The following NBPF11 variants were observed in gnomAD, a reference collection of about 807,000 sequenced individuals.
NBPF11 encodes NBPF family member NBPF11.
NBPF11 carries 72 observed loss-of-function variants against 93.9 expected under a neutral mutation model. The observed-to-expected ratio is 0.77, with a 90% CI of 0.63 to 0.93. NBPF11 has a LOEUF of 0.93. NBPF11 is among the 40% of genes least tolerant of loss of function. The pLI is 0.00. For missense variants in NBPF11, 705 were observed against 802.2 expected (o/e 0.88, Z 1.46); for synonymous variants, 224 against 304.9 (o/e 0.73, Z 2.76).
chr1:148,124,478 C>T (rs3881674), intron 6 of NBPF11, among the ~76,000 whole-genome samples: 1,592 of 117,968 alleles, frequency 0.013, 27 homozygotes, highest in African/African-American at 0.044. Flanking sequence ...ATTGAAAAGA[C>T]GAAAGAAGAA....
chr1:148,136,973 G>A (rs1422243654), intron 3 of NBPF11, among the ~76,000 whole-genome samples: 2 of 151,804 alleles, frequency 1.3e-5, no homozygotes, highest in African/African-American at 2.4e-5. Flanking sequence ...GAAACCTCAG[G>A]GGAGAGGGTA....
At chr1:148,108,435 A>G in intron 18 of NBPF11, 47 bp downstream of exon 18, 2 of 1,247,358 alleles carry the variant, frequency 1.6e-6, no homozygotes, top group East Asian at 2.7e-5. Flanking sequence ...ATGACCCTAA[A>G]CAGAAGACTC....
chr1:148,105,781 G>C (rs61811996), intron 21 of NBPF11, among the ~76,000 whole-genome samples: 1 of 139,920 alleles, frequency 7.1e-6, no homozygotes, highest in African/African-American at 2.9e-5. Context: ...CACACTGAGA[G>C]AGAGAGAGAA....
At chr1:148,119,387 T>C (rs1374417634) in intron 10 of NBPF11, among the ~76,000 whole-genome samples, 3 of 151,990 alleles carry the variant, frequency 2.0e-5, no homozygotes, top group Non-Finnish European at 2.9e-5. Context: ...TGACAAGAAA[T>C]AGCTCATGTA....
chr1:148,129,105 A>ATATATATACACGTGTATATGTATTATT (rs1350059254), intron 4 of NBPF11, among the ~76,000 whole-genome samples: 16,169 of 137,428 alleles, frequency 0.12, 1,179 homozygotes, highest in East Asian at 0.25. Flanking sequence ...TATATATATA[A>ATATATATACACGTGTATATGTATTATT]TATATATACA....
At position 148,130,127 on chromosome 1, in the gene NBPF11, AG is replaced by A. The variant is rs2149262509; in HGVS notation, c.-35-3090del. Among the ~76,000 whole-genome samples, 2 of 150,458 alleles carry A rather than the reference AG, an allele frequency of 1.3e-5. 1 individual carries two copies. Among genetic ancestry groups the A allele is most frequent in the African/African-American group, 4.9e-5 (2 of 40,498 alleles). On this transcript the variant is annotated intron_variant, in intron 4 of 23. Coordinates refer to ENST00000682118, the MANE Select transcript of NBPF11 (RefSeq NM_001385469.3). The stretch of plus-strand genomic sequence containing the variant: ...TTGATGGATTTTTTATGAATAAAAA[AG>A]ATTCTACTAAAAAAAATCAATAACT...
At chr1:148,109,594 A>G (rs1186357136) in intron 16 of NBPF11, among the ~76,000 whole-genome samples, 1 of 146,516 alleles carries the variant, frequency 6.8e-6, no homozygotes, top group Non-Finnish European at 1.5e-5. Context: ...ATGTACACAA[A>G]TGAGCAATTT....
chr1:148,123,971 C>A lies in NBPF11; in HGVS notation c.375G>T (p.Glu125Asp). ...EGRDASRSLNEHLQALLTPDE... is the reference protein window; with the variant it reads ...EGRDASRSLNDHLQALLTPDE... ...CCGGAGTGAGGAGGGCCTGGAGATG[C>A]TCATTCAATGAGCGGGAGGCATCTC... The change falls in exon 7 of 24, where the codon GAG becomes GAT. Residue 125 changes from glutamate (E) to aspartate (D), a missense_variant. By Grantham distance (45) the Glu-to-Asp change is conservative. Around this residue, in one of 12 missense-constraint regions of NBPF11, gnomAD observed 10 missense variants for 65.1 expected, o/e 0.15. Coordinates refer to ENST00000682118, the MANE Select transcript of NBPF11 (RefSeq NM_001385469.3). The A allele has an allele frequency of 6.4e-7, 1 of 1,565,466 alleles. No individual in the cohort carries two copies. The highest frequency in any genetic ancestry group is 2.2e-5 in the East Asian group (1 of 44,644).
chr1:148,148,284 C>G (rs1647259966), intron 1 of NBPF11, among the ~76,000 whole-genome samples: 2 of 152,256 alleles, frequency 1.3e-5, no homozygotes, highest in Non-Finnish European at 1.5e-5. Flanking sequence ...GGGACGCACA[C>G]CTGCCCATGC....
intron 1 of NBPF11, among the ~76,000 whole-genome samples, chr1:148,148,910 G>T (rs1647453868): frequency 2.0e-5 from 3 of 151,438 alleles, no homozygotes; most frequent in Admixed American, 1.3e-4. Context: ...GATCCCTGCA[G>T]ATCCTAGCTA....
rs879291475 is a variant in NBPF11 at position 148,134,109 on chromosome 1, C to T, written c.-36+1563G>A. Reference sequence around the variant, plus strand: ...TGACCTCCAGCCTGTAGAGGAGAGGCGCCACAGGACCTTTACATGCACGCC... The same window carrying T: ...TGACCTCCAGCCTGTAGAGGAGAGGTGCCACAGGACCTTTACATGCACGCC... On this transcript the variant is annotated intron_variant, in intron 4 of 23. Coordinates refer to ENST00000682118, the MANE Select transcript of NBPF11 (RefSeq NM_001385469.3). 1.6e-3 allele frequency among the ~76,000 whole-genome samples: 243 copies of T among 151,746 alleles called. 4 individuals are homozygous for T. Among genetic ancestry groups the T allele is most frequent in the African/African-American group, 5.5e-3 (224 of 41,044 alleles).
chr1:148,111,992 C>A (rs1325922695), intron 15 of NBPF11, among the ~76,000 whole-genome samples: 3 of 149,808 alleles, frequency 2.0e-5, no homozygotes, highest in African/African-American at 7.5e-5. Flanking sequence ...ATGCTAAGGG[C>A]AGCCAGAGAG....
At chr1:148,142,646 C>T (rs2149295076) in intron 2 of NBPF11, among the ~76,000 whole-genome samples, 1 of 152,090 alleles carries the variant, frequency 6.6e-6, no homozygotes, top group East Asian at 1.9e-4. Flanking sequence ...CCCTTTCTTT[C>T]TCCCCCTCTC....
At chr1:148,125,518 G>T (rs1668904598) in intron 5 of NBPF11, among the ~76,000 whole-genome samples, 1 of 152,128 alleles carries the variant, frequency 6.6e-6, no homozygotes, top group Non-Finnish European at 1.5e-5. Flanking sequence ...GAAGCCTAAA[G>T]TGTGAGACAT....
At chr1:148,108,910 G>T (rs1664543987) in intron 17 of NBPF11, among the ~76,000 whole-genome samples, 1 of 145,886 alleles carries the variant, frequency 6.9e-6, no homozygotes, top group Non-Finnish European at 1.5e-5. Context: ...TCAGTCAATT[G>T]GCCAGGTGAC....
At chr1:148,122,837 C>A (rs1553271923) in intron 7 of NBPF11, 36 bp from the exon 8 acceptor site, 7 of 1,609,074 alleles carry the variant, frequency 4.4e-6, no homozygotes, top group African/African-American at 4.0e-5. Flanking sequence ...ATATTTCCCA[C>A]TTCACATTCT....
intron 10 of NBPF11, among the ~76,000 whole-genome samples, chr1:148,119,820 T>A (rs2149225689): frequency 6.6e-6 from 1 of 152,104 alleles, no homozygotes; most frequent in South Asian, 2.1e-4. Flanking sequence ...CACGCCCATC[T>A]ACTTTTTGTA....
intron 1 of NBPF11, 107 bp from the exon 2 acceptor site, chr1:148,143,793 C>G: frequency 6.5e-6 from 1 of 153,142 alleles, no homozygotes; most frequent in Non-Finnish European, 1.5e-5. Context: ...CAGGCAGGAG[C>G]AGATTGAAAG....
At position 148,117,993 on chromosome 1, in the gene NBPF11, C is replaced by G. The variant is rs1282305188; in HGVS notation, c.1092-207G>C. Among the ~76,000 whole-genome samples the G allele has an allele frequency of 6.0e-4, 91 of 151,554 alleles. 2 individuals are homozygous for G. The highest frequency in any genetic ancestry group is 1.2e-4 in the Non-Finnish European group (8 of 67,990). On this transcript the variant is annotated intron_variant, in intron 11 of 23. Coordinates refer to ENST00000682118, the MANE Select transcript of NBPF11 (RefSeq NM_001385469.3). ...GTATCAGAGAGGGCTCCTGCAAGAT[C>G]CTCGATGATGTTCCATTCATCTTTC...
Sources: allele counts gnomAD v4.1 joint callset (sites outside exome capture counted in the v4.1 genomes callset), GRCh38; gene constraint gnomAD v4.1.1; regional missense constraint gnomAD v4.1.1; transcripts MANE v1.5; gene names NCBI Gene and HGNC (gene_info 2026-07-23, HGNC 2026-07-21).